PCDH15: variants seen among roughly 807,000 people sequenced by gnomAD.
PCDH15 encodes protocadherin related 15.
A neutral mutation model predicts 178.5 loss-of-function variants in PCDH15; 129 were observed. That is an observed-to-expected ratio of 0.72 (90% confidence interval 0.63 to 0.84). The LOEUF is 0.84. Among genes scored for constraint, PCDH15 ranks in the 40% least tolerant of loss-of-function variants. The probability of loss-of-function intolerance (pLI) is 0.00; values close to 1 mark genes in which losing one functional copy is unlikely to be tolerated. For missense variants in PCDH15, 2,230 were observed against 2,099.9 expected (o/e 1.06, Z -1.21); for synonymous variants, 800 against 732.0 (o/e 1.09, Z -1.50).
At chr10:54,214,138 C>G in intron 9 of PCDH15, 90 bp from the exon 10 acceptor site, 1 of 737,966 alleles carries the variant, frequency 1.4e-6, no homozygotes, top group Non-Finnish European at 2.4e-6. Context: ...AGCTGAGGAA[C>G]AAAGCTACAA....
intron 2 of PCDH15, among the ~76,000 whole-genome samples, chr10:54,904,188 C>T (rs917778503): frequency 1.3e-5 from 2 of 152,032 alleles, no homozygotes; most frequent in Non-Finnish European, 1.5e-5. Flanking sequence ...CTTTTAACTT[C>T]AGCTTTGCAA....
chr10:54,753,867 T>G (rs577421973), intron 1 of PCDH15, among the ~76,000 whole-genome samples: 26 of 148,848 alleles, frequency 1.7e-4, no homozygotes, highest in East Asian at 6.1e-4. Context: ...TTGTTTTTTT[T>G]TTGTTGTTGT....
chr10:54,069,753 A>G (rs943758608), intron 17 of PCDH15, among the ~76,000 whole-genome samples: 6 of 152,156 alleles, frequency 3.9e-5, no homozygotes, highest in African/African-American at 1.2e-4. Flanking sequence ...ATATGCTTCA[A>G]TGTGGATCTG....
chr10:54,693,097 T>C (rs908981196), intron 1 of PCDH15, among the ~76,000 whole-genome samples: 5 of 152,034 alleles, frequency 3.3e-5, no homozygotes, highest in Non-Finnish European at 7.4e-5. Flanking sequence ...GTGTTCTCAT[T>C]GTAGAGTAAC....
At chr10:54,865,163 G>C (rs1161780996) in intron 3 of PCDH15, among the ~76,000 whole-genome samples, 1 of 152,208 alleles carries the variant, frequency 6.6e-6, no homozygotes, top group Non-Finnish European at 1.5e-5. Context: ...AGTAAAGTGG[G>C]AGAGGAAGAC....
chr10:54,541,518 A>G (rs1365491052), intron 2 of PCDH15, among the ~76,000 whole-genome samples: 1 of 152,184 alleles, frequency 6.6e-6, no homozygotes, highest in Non-Finnish European at 1.5e-5. Context: ...AGTAGACAGT[A>G]TACAGCTTCT....
At chr10:54,929,740 T>C (rs568825417) in intron 2 of PCDH15, among the ~76,000 whole-genome samples, 1 of 152,216 alleles carries the variant, frequency 6.6e-6, no homozygotes, top group African/African-American at 2.4e-5. Flanking sequence ...TATTAGAAAA[T>C]GTGTTGTCAG....
At chr10:54,397,452 T>C (rs1225550101) in intron 3 of PCDH15, among the ~76,000 whole-genome samples, 1 of 152,096 alleles carries the variant, frequency 6.6e-6, no homozygotes, top group Non-Finnish European at 1.5e-5. Context: ...TCAAAAGAAC[T>C]GAGTTCAATT....
intron 1 of PCDH15, among the ~76,000 whole-genome samples, chr10:55,300,717 T>C (rs1431529387): frequency 6.6e-6 from 1 of 152,196 alleles, no homozygotes; most frequent in African/African-American, 2.4e-5. Context: ...GAAATTTTTA[T>C]ATCACACAAC....
intron 1 of PCDH15, among the ~76,000 whole-genome samples, chr10:55,198,357 G>A (rs937288671): frequency 4.6e-5 from 7 of 152,030 alleles, no homozygotes; most frequent in Non-Finnish European, 1.0e-4. Flanking sequence ...TTCAGGGGGC[G>A]GACTTCCCCC....
intron 1 of PCDH15, among the ~76,000 whole-genome samples, chr10:54,730,511 T>C (rs1274796868): frequency 1.3e-5 from 2 of 151,548 alleles, no homozygotes; most frequent in Non-Finnish European, 3.0e-5. Flanking sequence ...ATTTACCTTG[T>C]AGAAAACATG....
chr10:54,672,076 CT>C (rs1238867355), intron 1 of PCDH15, among the ~76,000 whole-genome samples: 1 of 151,926 alleles, frequency 6.6e-6, no homozygotes, highest in Non-Finnish European at 1.5e-5. Context: ...TTGCATGTTC[CT>C]TACGAGAATC....
intron 1 of PCDH15, among the ~76,000 whole-genome samples, chr10:54,691,597 C>G (rs559334785): frequency 2.0e-5 from 3 of 151,440 alleles, no homozygotes; most frequent in South Asian, 4.2e-4. Context: ...CTGCTGTACT[C>G]AGAGGAGTAT....
chr10:54,287,727 A>G (rs1294065650), intron 8 of PCDH15, among the ~76,000 whole-genome samples: 1 of 152,220 alleles, frequency 6.6e-6, no homozygotes, highest in African/African-American at 2.4e-5. Context: ...CAAGATTAAT[A>G]TACTAATTTC....
At chr10:54,635,794 C>T (rs1265892679) in intron 2 of PCDH15, among the ~76,000 whole-genome samples, 1 of 151,836 alleles carries the variant, frequency 6.6e-6, no homozygotes, top group East Asian at 1.9e-4. Flanking sequence ...GGAAGAAAAA[C>T]ATCATAAATG....
intron 2 of PCDH15, among the ~76,000 whole-genome samples, chr10:55,383,248 T>A (rs921942910): frequency 6.7e-6 from 1 of 149,908 alleles, no homozygotes; most frequent in Non-Finnish European, 1.5e-5. Context: ...GCGGTGTCTA[T>A]CTGTAGTTTC....
chr10:55,322,804 T>TGGG (rs558066154), upstream of PCDH15, among the ~76,000 whole-genome samples: 186 of 145,202 alleles, frequency 1.3e-3, no homozygotes, highest in South Asian at 3.7e-3. Context: ...AAAAAAAAAA[T>TGGG]GGGGGGGGAG....
rs1837380339 is a variant in PCDH15, at chr10:55,107,469, AC to A, written c.-80+59106del. The stretch of plus-strand genomic sequence containing the variant: ...TCATAGAAATAGATAAAATACAATT[AC>A]TGTATTCTCTTTCCTTTTTTTTTTT... On this transcript the variant is annotated intron_variant, in intron 2 of 5. Transcript: ENST00000458638. Among the ~76,000 whole-genome samples, 24 of 147,494 alleles carry A rather than the reference AC, an allele frequency of 1.6e-4. No homozygotes were observed. The South Asian group carries it at 5.2e-3, about 32-fold the overall frequency.
intron 5 of PCDH15, among the ~76,000 whole-genome samples, chr10:54,352,205 T>C (rs1252041848): frequency 2.0e-5 from 3 of 152,178 alleles, no homozygotes; most frequent in Non-Finnish European, 4.4e-5. Flanking sequence ...AGTTTACACA[T>C]GTATTCCACA....
Sources: gnomAD v4.1 joint callset for allele counts (sites outside exome capture counted in the v4.1 genomes callset) on GRCh38, gnomAD v4.1.1 for gene constraint, MANE v1.5 for transcripts, NCBI Gene and HGNC (gene_info 2026-07-23, HGNC 2026-07-21) for gene names.